Variants in PRR14L observed in about 807,000 individuals in gnomAD.
The protein encoded by PRR14L is protein PRR14L.
Under a neutral mutation model 155.0 loss-of-function variants are expected in PRR14L, and 80 were observed. That is an observed-to-expected ratio of 0.52 (90% CI 0.43 to 0.62). The LOEUF is 0.62. Ranked by LOEUF, PRR14L falls within the 20% of genes least tolerant of loss-of-function variation. PRR14L has a pLI of 0.00. For synonymous variants in PRR14L, 883 were observed against 916.0 expected, an observed-to-expected ratio of 0.96 and a Z score of 0.65; for missense variants, 2,469 against 2,548.0, an observed-to-expected ratio of 0.97 and a Z score of 0.67.
chr22:31,738,368 T>G lies in PRR14L; in HGVS notation c.474+19A>C. 26 of 1,534,496 alleles carry G rather than the reference T, an allele frequency of 1.7e-5. No homozygotes were observed. The highest frequency in any genetic ancestry group is 2.0e-5 in the Non-Finnish European group (23 of 1,131,872). On this transcript the variant is annotated intron_variant, in intron 2 of 8. Coordinates refer to ENST00000327423, the MANE Select transcript of PRR14L (RefSeq NM_173566.3). ...GTCATTCACACTCAACTCTTCGGAA[T>G]GGAGATTTCATTTCTTACCTGACTC...
intron 7 of PRR14L, among the ~76,000 whole-genome samples, chr22:31,698,880 C>A: frequency 6.7e-6 from 1 of 150,278 alleles, no homozygotes; most frequent in South Asian, 2.1e-4. Context: ...CGAGATCGTG[C>A]CACTGCACTC....
At chr22:31,726,991 T>C (rs2074719656) in intron 2 of PRR14L, among the ~76,000 whole-genome samples, 1 of 152,166 alleles carries the variant, frequency 6.6e-6, no homozygotes, top group South Asian at 2.1e-4. Flanking sequence ...TTTCCAAGGC[T>C]ATTGGAGCCT....
chr22:31,718,971 G>A (rs913095796), intron 3 of PRR14L, among the ~76,000 whole-genome samples: 2 of 152,120 alleles, frequency 1.3e-5, no homozygotes, highest in African/African-American at 4.8e-5. Context: ...CTACTGGGGA[G>A]GCTGAAGCAG....
intron 4 of PRR14L, among the ~76,000 whole-genome samples, chr22:31,710,215 T>C (rs921515155): frequency 6.6e-6 from 1 of 152,176 alleles, no homozygotes; most frequent in Non-Finnish European, 1.5e-5. Flanking sequence ...GTGCTAGGCT[T>C]ACAGGCATGA....
chr22:31,711,192 AGCTGGGTGTGGTGGCTACC>A (rs1445960640), intron 4 of PRR14L, among the ~76,000 whole-genome samples: 1 of 152,128 alleles, frequency 6.6e-6, no homozygotes. Flanking sequence ...AAGAAGATTC[AGCTGGGTGTGGTGGCTACC>A]GCCTGTAATC....
At chr22:31,748,123 C>G (rs1471554983) in intron 1 of PRR14L, among the ~76,000 whole-genome samples, 4 of 152,120 alleles carry the variant, frequency 2.6e-5, no homozygotes, top group African/African-American at 9.7e-5. Context: ...ACAATACTCA[C>G]AATAATGACC....
intron 2 of PRR14L, among the ~76,000 whole-genome samples, chr22:31,730,138 T>TAAA (rs534900377): frequency 8.8e-6 from 1 of 113,462 alleles, no homozygotes; most frequent in Non-Finnish European, 1.8e-5. Context: ...AGACTCAGTC[T>TAAA]AAAAAAAAAA....
chr22:31,712,529 G>A lies in PRR14L; in HGVS notation c.5310C>T (p.His1770=), dbSNP rs1357506451. The A allele has an allele frequency of 3.9e-6, 6 of 1,551,662 alleles. No homozygotes were observed. The highest frequency in any genetic ancestry group is 2.4e-5 in the East Asian group (1 of 40,920). Residue 1770 remains histidine, a synonymous_variant, in exon 4 of 9, where the codon CAC becomes CAT. Coordinates refer to ENST00000327423, the MANE Select transcript of PRR14L (RefSeq NM_173566.3). ...TGAATGTTGCCATCCCAGGGCAACC[G>A]TGGGACAAGAAGAAAGAAAAGGTCC... ...PKWTFSFFLS[H]GCPGMATFRE...
chr22:31,708,663 CAG>C lies in PRR14L; in HGVS notation c.5756+3418_5756+3419del, dbSNP rs1363582357. ...TGTTGCTGTTGAAATTTTCTTGAGA[CAG>C]AGTCTCACTTTGCCGTCCAGGCTGG... is the stretch of plus-strand genomic sequence containing the variant. On this transcript the variant is annotated intron_variant, in intron 4 of 8. Coordinates refer to ENST00000327423, the MANE Select transcript of PRR14L (RefSeq NM_173566.3). Among the ~76,000 whole-genome samples, 6 of 151,924 alleles carry C rather than the reference CAG, an allele frequency of 3.9e-5. No homozygotes were observed. In the East Asian group the frequency reaches 7.8e-4, roughly 20 times the overall value.
rs571107551 is a variant in PRR14L, at chr22:31,708,383, G to A, written c.5757-3657C>T. On this transcript the variant is annotated intron_variant, in intron 4 of 8. Coordinates refer to ENST00000327423, the MANE Select transcript of PRR14L (RefSeq NM_173566.3). ...ACTCTGTCGCCCAGGCTGGAGTGCA[G>A]TGGTGCGATCTTGGCTCACCCTAAC... is the stretch of plus-strand genomic sequence containing the variant. Among the ~76,000 whole-genome samples, 15 of 151,768 alleles carry A rather than the reference G, an allele frequency of 9.9e-5. No individual in the cohort carries two copies. In the South Asian group the frequency reaches 3.1e-3, roughly 32 times the overall value.
At position 31,715,029 on chromosome 22, in the gene PRR14L, C is replaced by T; in HGVS notation, c.2810G>A (p.Gly937Asp). Residue 937 changes from glycine (G) to aspartate (D), a missense_variant, in exon 4 of 9, where the codon GGT becomes GAT. Gly to Asp is a moderately conservative substitution (Grantham distance 94). Transcript: ENST00000327423. Reference protein sequence around the residue: ...QELNQTVNIPGPEKVLDQSPT... With the variant: ...QELNQTVNIPDPEKVLDQSPT... Reference sequence around the variant, plus strand: ...AGACTGGTCCAACACTTTTTCAGGACCTGGAATGTTTACAGTCTGGTTTAG... The same window carrying T: ...AGACTGGTCCAACACTTTTTCAGGATCTGGAATGTTTACAGTCTGGTTTAG... 1.9e-6 allele frequency: 3 copies of T among 1,551,892 alleles called. No homozygotes were observed. The highest frequency in any genetic ancestry group is 2.6e-6 in the Non-Finnish European group (3 of 1,146,984).
At position 31,712,837 on chromosome 22, in the gene PRR14L, C is replaced by A; in HGVS notation, c.5002G>T (p.Glu1668Ter). ...RLLDGFSSSTEQLNPYLAASG... is the reference protein window; with the variant it reads ...RLLDGFSSST ...GCTGCCAAATATGGATTCAGCTGCT[C>A]TGTGCTGGATGAAAATCCGTCCAGG... The change falls in exon 4 of 9, where the codon GAG (glutamate) becomes TAG (stop). Residue 1668 changes from glutamate to a stop codon, truncating the protein, a stop_gained. Transcript: ENST00000327423. LOFTEE classifies it high-confidence loss of function. 1 of 1,552,112 alleles carries A rather than the reference C, an allele frequency of 6.4e-7. No homozygotes were observed.
chr22:31,741,078 C>A (rs1294177518), intron 1 of PRR14L, among the ~76,000 whole-genome samples: 1 of 151,634 alleles, frequency 6.6e-6, no homozygotes, highest in African/African-American at 2.4e-5. Context: ...ACGGTGAAAC[C>A]CTATCTCTAC....
intron 7 of PRR14L, among the ~76,000 whole-genome samples, chr22:31,696,794 G>A (rs2074536709): frequency 6.6e-6 from 1 of 152,082 alleles, no homozygotes; most frequent in Non-Finnish European, 1.5e-5. Flanking sequence ...ACATTATTCA[G>A]TTAAGAGAGA....
chr22:31,688,267 T>A, intron 7 of PRR14L, 40 bp from the exon 8 acceptor site: 6 of 1,518,902 alleles, frequency 4.0e-6, no homozygotes, highest in African/African-American at 1.4e-5. Context: ...AGGTTCTCTC[T>A]CTCTTTTTTT....
intron 4 of PRR14L, among the ~76,000 whole-genome samples, chr22:31,709,416 T>C (rs1394998434): frequency 2.0e-5 from 3 of 149,082 alleles, no homozygotes; most frequent in African/African-American, 7.4e-5. Flanking sequence ...TACACCCAGC[T>C]AAAATTTTTT....
Position 31,714,243 on chromosome 22 carries a change from C to T in PRR14L, c.3596G>A (p.Gly1199Glu). Residue 1199 changes from glycine (G) to glutamate (E), a missense_variant, in exon 4 of 9, where the codon GGA becomes GAA. Transcript: ENST00000327423. ...CTCAGAGTTTGGTTCTAGTCTTGAT[C>T]CTTCAGTCATTTCTTGTGTTTCTCT... ...SLRETQEMTEGSRLEPNSEFG... is the reference protein window; with the variant it reads ...SLRETQEMTEESRLEPNSEFG... The T allele has an allele frequency of 1.3e-6, 2 of 1,551,426 alleles. No individual in the cohort carries two copies. The highest frequency in any genetic ancestry group is 1.7e-4 in the Middle Eastern group (1 of 5,996).
Position 31,732,965 on chromosome 22 carries a change from T to C in PRR14L, c.474+5422A>G, listed in dbSNP as rs571950881. On this transcript the variant is annotated intron_variant, in intron 2 of 8. Coordinates refer to ENST00000327423, the MANE Select transcript of PRR14L (RefSeq NM_173566.3). ...AAAGAACAACCTTGTGTATTAAGTATTGTTATACTGCTAGAAGTGTATCTT... is the reference window on the plus strand; with the variant it reads ...AAAGAACAACCTTGTGTATTAAGTACTGTTATACTGCTAGAAGTGTATCTT... Among the ~76,000 whole-genome samples, 3 of 152,204 alleles carry C rather than the reference T, an allele frequency of 2.0e-5. No individual in the cohort carries two copies. The East Asian group carries it at 5.8e-4, about 29-fold the overall frequency.
At chr22:31,731,565 C>CAAA (rs55727852) in intron 2 of PRR14L, among the ~76,000 whole-genome samples, 24 of 49,246 alleles carry the variant, frequency 4.9e-4, no homozygotes, top group Admixed American at 1.4e-3. Context: ...GAGACTGTCT[C>CAAA]AAAAAAAAAA....
Sources: gnomAD v4.1 joint callset for allele counts (sites outside exome capture counted in the v4.1 genomes callset) on GRCh38, gnomAD v4.1.1 for gene constraint, MANE v1.5 for transcripts, NCBI Gene and HGNC (gene_info 2026-07-23, HGNC 2026-07-21) for gene names.